MAP2: variants seen among roughly 807,000 people sequenced by gnomAD.
The protein encoded by MAP2 is microtubule-associated protein 2.
A neutral mutation model predicts 137.6 loss-of-function variants in MAP2; 14 were observed. The observed-to-expected ratio is 0.10, with a 90% confidence interval of 0.07 to 0.16. The LOEUF (loss-of-function observed/expected upper bound fraction) is 0.16, where lower values mean the gene tolerates loss of function less well. MAP2 is among the 10% of genes least tolerant of loss of function. The pLI is 1.00. For synonymous variants in MAP2, 786 were observed against 782.3 expected, an observed-to-expected ratio of 1.00 and a Z score of -0.08; for missense variants, 2,088 against 2,191.5, an observed-to-expected ratio of 0.95 and a Z score of 0.94.
intron 5 of MAP2, among the ~76,000 whole-genome samples, chr2:209,672,570 T>A (rs1184582545): frequency 6.6e-6 from 1 of 151,892 alleles, no homozygotes; most frequent in Non-Finnish European, 1.5e-5. Flanking sequence ...GTCTTTTGGC[T>A]AGTAAGAGAT....
At chr2:209,691,657 A>T (rs2058943688) in intron 7 of MAP2, among the ~76,000 whole-genome samples, 1 of 152,218 alleles carries the variant, frequency 6.6e-6, no homozygotes, top group Non-Finnish European at 1.5e-5. Flanking sequence ...AGCCTTTTGG[A>T]TTGTTGAATA....
At position 209,682,299 on chromosome 2, in the gene MAP2, T is replaced by A. The variant is rs553961114; in HGVS notation, c.454+1472T>A. 7.9e-5 allele frequency among the ~76,000 whole-genome samples: 12 copies of A among 152,270 alleles called. No homozygotes were observed. In the East Asian group the frequency reaches 2.3e-3, roughly 29 times the overall value. ...TGAGGTCAGGAGTTCAAGATCAGCC[T>A]GGCCAACATGGTGAAAACCCGTCTC... On this transcript the variant is annotated intron_variant, in intron 7 of 15. Transcript: ENST00000682079.
chr2:209,532,967 C>A (rs537201097), intron 2 of MAP2, among the ~76,000 whole-genome samples: 1 of 152,216 alleles, frequency 6.6e-6, no homozygotes, highest in East Asian at 1.9e-4. Context: ...CTGACAGAAG[C>A]ATTCTCCCTT....
At chr2:209,648,527 T>G (rs2094553017) in intron 4 of MAP2, among the ~76,000 whole-genome samples, 1 of 151,322 alleles carries the variant, frequency 6.6e-6, no homozygotes, top group Non-Finnish European at 1.5e-5. Context: ...ATTGTTTTAG[T>G]CTTAGATTTC....
intron 3 of MAP2, among the ~76,000 whole-genome samples, chr2:209,599,971 A>G (rs566873887): frequency 1.4e-4 from 22 of 152,290 alleles, no homozygotes; most frequent in African/African-American, 4.6e-4. Flanking sequence ...TCCAAATTAC[A>G]TTACTCTACT....
rs185357132 is a variant in MAP2 at position 209,580,892 on chromosome 2, A to G, written c.-107+792A>G. Among the ~76,000 whole-genome samples the G allele has an allele frequency of 5.2e-3, 786 of 152,302 alleles. 9 individuals are homozygous for G. The highest frequency in any genetic ancestry group is 0.018 in the African/African-American group (737 of 41,570). On this transcript the variant is annotated intron_variant, in intron 3 of 15. Transcript: ENST00000682079. ...ATACCTGTTAATATCAATAAAACCT[A>G]TATTTGTAATTTGCCTTTAAAAAAT...
chr2:209,494,529 G>T (rs1322398912), intron 1 of MAP2, among the ~76,000 whole-genome samples: 4 of 151,900 alleles, frequency 2.6e-5, no homozygotes, highest in Admixed American at 1.3e-4. Flanking sequence ...CCAGCGCCAT[G>T]ACAGTTTACA....
At chr2:209,548,695 G>C (rs2068567716) in intron 2 of MAP2, among the ~76,000 whole-genome samples, 1 of 152,160 alleles carries the variant, frequency 6.6e-6, no homozygotes, top group Admixed American at 6.5e-5. Context: ...AGACCAGGTG[G>C]AGGTAATTGA....
At chr2:209,614,911 C>T (rs767877450) in intron 3 of MAP2, among the ~76,000 whole-genome samples, 8 of 152,150 alleles carry the variant, frequency 5.3e-5, no homozygotes, top group African/African-American at 1.2e-4. Flanking sequence ...TCCAGTGAGT[C>T]GATGAACTTC....
chr2:209,571,179 T>C (rs2074335011), intron 2 of MAP2, among the ~76,000 whole-genome samples: 1 of 151,912 alleles, frequency 6.6e-6, no homozygotes, highest in Non-Finnish European at 1.5e-5. Flanking sequence ...CCCTTTTGCA[T>C]AATATTCACT....
At position 209,443,476 on chromosome 2, in the gene MAP2, A is replaced by C. The variant is rs17308202; in HGVS notation, c.-222+19200A>C. 2.0e-3 allele frequency among the ~76,000 whole-genome samples: 300 copies of C among 151,752 alleles called. 1 individual carries two copies. Among genetic ancestry groups the C allele is most frequent in the Non-Finnish European group, 2.7e-3 (186 of 67,686 alleles). On this transcript the variant is annotated intron_variant, in intron 1 of 15. Coordinates refer to ENST00000682079, the MANE Select transcript of MAP2 (RefSeq NM_001375505.1). Reference sequence around the variant, plus strand: ...GATTAAATTGGTGCTTGTCTACTGCACTGTTTCCCTCTACAGAGCTAACAT... The same window carrying C: ...GATTAAATTGGTGCTTGTCTACTGCCCTGTTTCCCTCTACAGAGCTAACAT...
At chr2:209,433,326 A>T (rs866774916) in intron 1 of MAP2, among the ~76,000 whole-genome samples, 5 of 152,086 alleles carry the variant, frequency 3.3e-5, no homozygotes, top group African/African-American at 1.2e-4. Context: ...CCACAGTAGT[A>T]CCCGGAGGAA....
At chr2:209,484,372 C>T (rs547616391) in intron 1 of MAP2, among the ~76,000 whole-genome samples, 4 of 147,734 alleles carry the variant, frequency 2.7e-5, no homozygotes, top group Non-Finnish European at 3.0e-5. Context: ...TTTGGGAGGC[C>T]GAGGCATTAC....
chr2:209,679,008 A>T (rs978209793), intron 6 of MAP2, among the ~76,000 whole-genome samples: 1 of 152,098 alleles, frequency 6.6e-6, no homozygotes, highest in African/African-American at 2.4e-5. Flanking sequence ...ACCTCCACCC[A>T]TAAGGATAAT....
chr2:209,471,399 G>C (rs537244381), intron 1 of MAP2, among the ~76,000 whole-genome samples: 1 of 152,268 alleles, frequency 6.6e-6, no homozygotes, highest in Non-Finnish European at 1.5e-5. Flanking sequence ...GGTCACCAAT[G>C]ATATCCCCAG....
chr2:209,709,532 A>G (rs2064697206), intron 12 of MAP2, among the ~76,000 whole-genome samples: 2 of 152,158 alleles, frequency 1.3e-5, no homozygotes, highest in African/African-American at 2.4e-5. Context: ...CATTCAAGGA[A>G]TCTTCAGTAA....
chr2:209,524,620 A>G (rs1256167462), intron 2 of MAP2, among the ~76,000 whole-genome samples: 1 of 152,182 alleles, frequency 6.6e-6, no homozygotes, highest in African/African-American at 2.4e-5. Context: ...ACATTCATCA[A>G]CTTTCATTAT....
At chr2:209,433,521 T>C (rs1694887146) in intron 1 of MAP2, among the ~76,000 whole-genome samples, 1 of 152,122 alleles carries the variant, frequency 6.6e-6, no homozygotes, top group Non-Finnish European at 1.5e-5. Flanking sequence ...GTTTGTCTTT[T>C]ATTTAACTTG....
intron 7 of MAP2, chr2:209,690,540 A>G (rs3768813): frequency 0.075 from 88,624 of 1,188,978 alleles, 4,242 homozygotes; most frequent in East Asian, 0.24. Context: ...TCCTTTAGCA[A>G]TATTTCTGTC....
Sources: allele counts gnomAD v4.1 joint callset (sites outside exome capture counted in the v4.1 genomes callset), GRCh38; gene constraint gnomAD v4.1.1; transcripts MANE v1.5; gene names NCBI Gene and HGNC (gene_info 2026-07-23, HGNC 2026-07-21).